Variants in ZNF652 observed in about 807,000 individuals in gnomAD.
ZNF652 encodes zinc finger protein 652.
Under a neutral mutation model 45.2 loss-of-function variants are expected in ZNF652, and 16 were observed. That is an observed-to-expected ratio of 0.35 (90% confidence interval 0.24 to 0.54). The LOEUF (loss-of-function observed/expected upper bound fraction) is 0.54, where lower values mean the gene tolerates loss of function less well. ZNF652 is among the 20% of genes least tolerant of loss of function. ZNF652 has a pLI of 0.91. For synonymous variants in ZNF652, 250 were observed against 260.6 expected, an observed-to-expected ratio of 0.96 and a Z score of 0.39; for missense variants, 614 against 765.6, an observed-to-expected ratio of 0.80 and a Z score of 2.34.
chr17:49,301,661 A>T (rs1312039688), intron 5 of ZNF652, among the ~76,000 whole-genome samples: 1 of 152,110 alleles, frequency 6.6e-6, no homozygotes, highest in Non-Finnish European at 1.5e-5. Context: ...ACTCATATTC[A>T]TCTTTCTGGA....
In ZNF652 at chr17:49,298,749, G is replaced by A. The variant is rs1216451018; in HGVS notation, c.1485C>T (p.Thr495=). The change falls in exon 6 of 6, where the codon ACC becomes ACT. Residue 495 remains threonine (T), a synonymous_variant. Coordinates refer to ENST00000430262, the MANE Select transcript of ZNF652 (RefSeq NM_001145365.3). ...KAHKEKCFRV[T]SPVNVPPAVQ... is the part of the protein sequence containing the mutation. ...CAGCAGGTGGCACATTCACGGGGCT[G>A]GTCACCCGAAAGCACTTCTCCTTGT... The A allele has an allele frequency of 3.7e-6, 6 of 1,614,090 alleles. No homozygotes were observed. The highest frequency in any genetic ancestry group is 5.1e-6 in the Non-Finnish European group (6 of 1,180,028).
In ZNF652 at chr17:49,358,479, TG is replaced by T. The variant is rs538058449; in HGVS notation, c.-259+3429del. ...AAATACAAGACAATCCACTTTTTTT[TG>T]TTGTTGTCTCTCAGCTGACTTTTTT... On this transcript the variant is annotated intron_variant, in intron 1 of 5. Coordinates refer to ENST00000430262, the MANE Select transcript of ZNF652 (RefSeq NM_001145365.3). 7.2e-5 allele frequency among the ~76,000 whole-genome samples: 11 copies of T among 152,324 alleles called. No individual in the cohort carries two copies. The East Asian group carries it at 1.9e-3, about 27-fold the overall frequency.
rs962287744 is a variant in ZNF652, at chr17:49,294,031, G to A, written c.*4382C>T. 2.0e-5 allele frequency among the ~76,000 whole-genome samples: 3 copies of A among 152,012 alleles called. No homozygotes were observed. The highest frequency in any genetic ancestry group is 6.6e-5 in the Admixed American group (1 of 15,262). ...GTGTTTTACTAACTGAAACCTGCAA[G>A]ATGGGGTAAATATACATATATCTGC... On this transcript the variant is annotated 3_prime_UTR_variant, in exon 6 of 6. Transcript: ENST00000430262.
intron 1 of ZNF652, among the ~76,000 whole-genome samples, chr17:49,320,884 G>A (rs369322961): frequency 6.6e-6 from 1 of 151,460 alleles, no homozygotes; most frequent in African/African-American, 2.4e-5. Flanking sequence ...ACGGAGTCTC[G>A]CTGTCACCCA....
rs1476780655 is a variant in ZNF652, at chr17:49,299,474, G to A, written c.1310-550C>T. On this transcript the variant is annotated intron_variant, in intron 5 of 5. Transcript: ENST00000430262. ...TGGCTCACTGCAACCTCCACCTCCC[G>A]GGTTCTAATGATTCTCTTGCCTCAG... Among the ~76,000 whole-genome samples, 5 of 152,192 alleles carry A rather than the reference G, an allele frequency of 3.3e-5. No individual in the cohort carries two copies. In the East Asian group the frequency reaches 5.8e-4, roughly 18 times the overall value.
At chr17:49,352,808 C>A (rs2070296038) in intron 1 of ZNF652, among the ~76,000 whole-genome samples, 1 of 152,144 alleles carries the variant, frequency 6.6e-6, no homozygotes, top group Admixed American at 6.6e-5. Flanking sequence ...TAAAAAGGAA[C>A]AAACTGTTGA....
intron 1 of ZNF652, among the ~76,000 whole-genome samples, chr17:49,356,429 C>CAAAAAA (rs35374808): frequency 2.4e-4 from 10 of 42,288 alleles, no homozygotes; most frequent in Admixed American, 8.3e-4. Flanking sequence ...ACTCTGTCTG[C>CAAAAAA]AAAAAAAAAA....
chr17:49,340,181 G>A (rs1264151660), intron 1 of ZNF652, among the ~76,000 whole-genome samples: 2 of 152,190 alleles, frequency 1.3e-5, no homozygotes, highest in East Asian at 1.9e-4. Context: ...TTAGGAGGCC[G>A]AGGCGGGCGG....
chr17:49,310,175 G>T (rs1376274153), intron 5 of ZNF652, among the ~76,000 whole-genome samples: 2 of 152,092 alleles, frequency 1.3e-5, no homozygotes, highest in African/African-American at 4.8e-5. Context: ...GGATGGTCTC[G>T]ATCTCCTGAC....
At chr17:49,320,694 A>G (rs934973585) in intron 1 of ZNF652, among the ~76,000 whole-genome samples, 2 of 152,260 alleles carry the variant, frequency 1.3e-5, no homozygotes, top group African/African-American at 4.8e-5. Flanking sequence ...AAATAAACTC[A>G]TATTATCTCA....
At chr17:49,336,965 TAAG>T (rs2070092109) in intron 1 of ZNF652, among the ~76,000 whole-genome samples, 9 of 114,794 alleles carry the variant, frequency 7.8e-5, no homozygotes, top group African/African-American at 1.3e-4. Flanking sequence ...TTTTTTTTTT[TAAG>T]TATGTAAGTC....
chr17:49,299,837 G>A (rs531032247), intron 5 of ZNF652, among the ~76,000 whole-genome samples: 1 of 149,570 alleles, frequency 6.7e-6, no homozygotes, highest in African/African-American at 2.5e-5. Flanking sequence ...CAGCTACCAC[G>A]CCTGGCTATC....
At chr17:49,347,969 C>T (rs1281575190) in intron 1 of ZNF652, among the ~76,000 whole-genome samples, 1 of 151,964 alleles carries the variant, frequency 6.6e-6, no homozygotes, top group Non-Finnish European at 1.5e-5. Context: ...TGTTCTCAAA[C>T]TCCTGGCCTC....
chr17:49,298,416 A>C lies in ZNF652; in HGVS notation c.1818T>G (p.His606Gln). The change falls in exon 6 of 6, where the codon CAT (histidine) becomes CAG (glutamine). Residue 606 changes from histidine (H) to glutamine (Q), a missense_variant. His to Gln is a conservative substitution (Grantham distance 24). Around this residue, in one of 5 missense-constraint regions of ZNF652, gnomAD observed 132 missense variants for 137.2 expected, o/e 0.96. Coordinates refer to ENST00000430262, the MANE Select transcript of ZNF652 (RefSeq NM_001145365.3). Reference protein sequence around the residue: ...LAEKNSSAQHH With the variant: ...LAEKNSSAQHQ ...GAACACACTAAGGAGACGGATGTTA[A>C]TGATGCTGTGCTGAACTGTTCTTCT... is the stretch of plus-strand genomic sequence containing the variant. 1 of 1,612,526 alleles carries C rather than the reference A, an allele frequency of 6.2e-7. No homozygotes were observed. Among genetic ancestry groups the C allele is most frequent in the Middle Eastern group, 2.1e-4 (1 of 4,728 alleles).
At chr17:49,362,394 C>A (rs2143177670), upstream of ZNF652, 1 of 151,370 alleles carries the variant, frequency 6.6e-6, no homozygotes, top group African/African-American at 2.4e-5. Flanking sequence ...GCGCAGCCCT[C>A]GGGCCGGCCC....
intron 1 of ZNF652, among the ~76,000 whole-genome samples, chr17:49,337,781 C>T (rs998608044): frequency 3.3e-5 from 5 of 152,122 alleles, no homozygotes; most frequent in African/African-American, 1.2e-4. Context: ...GGTTTATACA[C>T]TAAGCGCTGT....
At chr17:49,311,903 G>A in intron 4 of ZNF652, 24 bp downstream of exon 4, 1 of 1,588,120 alleles carries the variant, frequency 6.3e-7, no homozygotes, top group Non-Finnish European at 8.6e-7. Flanking sequence ...CTAGGCCTGG[G>A]CCTGTAGGTA....
intron 5 of ZNF652, among the ~76,000 whole-genome samples, chr17:49,309,749 TA>T (rs2069683736): frequency 2.0e-5 from 3 of 152,108 alleles, no homozygotes; most frequent in Admixed American, 2.0e-4. Flanking sequence ...ATTTAACTAA[TA>T]AAACTGCTCT....
intron 5 of ZNF652, among the ~76,000 whole-genome samples, chr17:49,302,821 G>A (rs2069572982): frequency 6.6e-6 from 1 of 151,804 alleles, no homozygotes; most frequent in Non-Finnish European, 1.5e-5. Flanking sequence ...AATTAGCCGG[G>A]TGTGGTGGCA....
Sources: gnomAD v4.1 joint callset for allele counts (sites outside exome capture counted in the v4.1 genomes callset) on GRCh38, gnomAD v4.1.1 for gene constraint, gnomAD v4.1.1 regional missense constraint, MANE v1.5 for transcripts, NCBI Gene and HGNC (gene_info 2026-07-23, HGNC 2026-07-21) for gene names.